The following GNG7 variants were observed in gnomAD, a reference collection of about 807,000 sequenced individuals.
The protein encoded by GNG7 is G protein subunit gamma 7.
A neutral mutation model predicts 4.0 loss-of-function variants in GNG7; 1 was observed. The observed-to-expected ratio is 0.25, with a 90% CI of 0.09 to 1.18. GNG7 has a LOEUF of 1.18. Among genes scored for constraint, GNG7 ranks in the 50% most tolerant of loss-of-function variants. The pLI is 0.50. For synonymous variants in GNG7, 34 were observed against 36.9 expected (o/e 0.92, Z 0.29); for missense variants, 86 against 91.9 (o/e 0.94, Z 0.26).
chr19:2,661,281 A>G (rs534746996), intron 1 of GNG7, among the ~76,000 whole-genome samples: 2,904 of 70,338 alleles, frequency 0.041, 104 homozygotes, highest in Middle Eastern at 0.079. Context: ...AAAGAAAGAA[A>G]GAAAGAAAGA....
At chr19:2,680,571 ATTTTTTTT>A (rs967188330) in intron 1 of GNG7, among the ~76,000 whole-genome samples, 2 of 126,016 alleles carry the variant, frequency 1.6e-5, no homozygotes, top group Admixed American at 8.3e-5. Context: ...AAAATTTACA[ATTTTTTTT>A]TTTTTTTTTT....
intron 2 of GNG7, among the ~76,000 whole-genome samples, chr19:2,601,658 A>T (rs1172058006): frequency 1.3e-5 from 2 of 151,402 alleles, no homozygotes; most frequent in African/African-American, 4.9e-5. Flanking sequence ...CACGTCTGTA[A>T]TCCCAAGCAC....
intron 2 of GNG7, among the ~76,000 whole-genome samples, chr19:2,582,759 A>G (rs8112514): frequency 0.99 from 149,485 of 150,328 alleles, 74,323 homozygotes; most frequent in Middle Eastern, 1. Context: ...ACCTCCACCT[A>G]CCACGTTCAA....
intron 2 of GNG7, among the ~76,000 whole-genome samples, chr19:2,558,250 G>GTTTTTT (rs57101652): frequency 6.9e-6 from 1 of 145,824 alleles, no homozygotes; most frequent in Non-Finnish European, 1.5e-5. Context: ...TTTTGTTTTT[G>GTTTTTT]TTTTTTTTTT....
chr19:2,527,776 C>G (rs959792937), intron 3 of GNG7, among the ~76,000 whole-genome samples: 2 of 129,576 alleles, frequency 1.5e-5, no homozygotes, highest in East Asian at 4.0e-4. Context: ...GCCAGGAAAC[C>G]CCCCCCCCCA....
chr19:2,596,821 C>T (rs879444281), intron 2 of GNG7, among the ~76,000 whole-genome samples: 3 of 152,160 alleles, frequency 2.0e-5, no homozygotes, highest in Non-Finnish European at 2.9e-5. Context: ...CTCACTCCTG[C>T]AGTACGAGAC....
At chr19:2,607,276 G>A (rs1981415292) in intron 2 of GNG7, among the ~76,000 whole-genome samples, 1 of 149,652 alleles carries the variant, frequency 6.7e-6, no homozygotes, top group Admixed American at 6.7e-5. Flanking sequence ...CCAGCACTTT[G>A]GGAGGTCGAG....
chr19:2,515,781 G>C (rs898995564), intron 4 of GNG7, among the ~76,000 whole-genome samples: 6 of 152,100 alleles, frequency 3.9e-5, no homozygotes, highest in African/African-American at 1.4e-4. Flanking sequence ...GAGACAGGAA[G>C]GGGATGCGTG....
intron 1 of GNG7, among the ~76,000 whole-genome samples, chr19:2,687,640 G>T (rs1278229655): frequency 5.9e-5 from 9 of 151,774 alleles, no homozygotes; most frequent in Non-Finnish European, 1.3e-4. Flanking sequence ...ACAAAAAAAA[G>T]TGCTGGCATG....
rs547373724 is a variant in GNG7 at position 2,555,959 on chromosome 19, G to A, written c.-77-771C>T. ...GCACAGTGCACGGATCGCGAGGGGG[G>A]CCCACGGGGACCACCTTCCGTGGTC... On this transcript the variant is annotated intron_variant, in intron 2 of 4. Coordinates refer to ENST00000382159, the MANE Select transcript of GNG7 (RefSeq NM_052847.3). 8.5e-4 allele frequency among the ~76,000 whole-genome samples: 130 copies of A among 152,326 alleles called. 1 individual carries two copies. The highest frequency in any genetic ancestry group is 3.0e-3 in the African/African-American group (126 of 41,580).
Position 2,662,421 on chromosome 19 carries a change from A to C in GNG7, c.-134-16141T>G, listed in dbSNP as rs557432042. 1.5e-3 allele frequency among the ~76,000 whole-genome samples: 223 copies of C among 152,222 alleles called. 4 individuals are homozygous for C. The highest frequency in any genetic ancestry group is 5.2e-3 in the African/African-American group (215 of 41,544). On this transcript the variant is annotated intron_variant, in intron 1 of 4. Coordinates refer to ENST00000382159, the MANE Select transcript of GNG7 (RefSeq NM_052847.3). ...CCTTGGACCCCACAGGTTGAGGGCT[A>C]AATCCCCCCACAAGACTGCCCCTAA...
intron 2 of GNG7, among the ~76,000 whole-genome samples, chr19:2,605,704 G>A (rs913756554): frequency 5.3e-5 from 8 of 151,424 alleles, no homozygotes; most frequent in Non-Finnish European, 1.0e-4. Flanking sequence ...AGTAGAGACG[G>A]GGTTTCACCA....
At chr19:2,561,177 T>C (rs1979730674) in intron 2 of GNG7, among the ~76,000 whole-genome samples, 1 of 151,874 alleles carries the variant, frequency 6.6e-6, no homozygotes, top group Non-Finnish European at 1.5e-5. Context: ...ACGCAGAGTC[T>C]CTTGGGGGTC....
intron 2 of GNG7, among the ~76,000 whole-genome samples, chr19:2,583,327 A>C (rs2144792928): frequency 6.6e-6 from 1 of 152,302 alleles, no homozygotes; most frequent in African/African-American, 2.4e-5. Context: ...GTAAACATAA[A>C]GTTGTACTAT....
chr19:2,655,566 C>T (rs1057038083), intron 1 of GNG7, among the ~76,000 whole-genome samples: 3 of 151,790 alleles, frequency 2.0e-5, no homozygotes, highest in South Asian at 2.1e-4. Context: ...AGGCCGGGTG[C>T]GGTGGCTCAT....
intron 2 of GNG7, among the ~76,000 whole-genome samples, chr19:2,599,840 G>A (rs899695337): frequency 6.6e-5 from 10 of 151,994 alleles, no homozygotes; most frequent in African/African-American, 2.4e-4. Flanking sequence ...AGGAGGCTGA[G>A]GCAGGAGAAT....
At chr19:2,522,396 C>T (rs34960708) in intron 3 of GNG7, among the ~76,000 whole-genome samples, 48,641 of 151,776 alleles carry the variant, frequency 0.32, 7,778 homozygotes, top group South Asian at 0.39. Context: ...CTCATGGCAT[C>T]GCTGTCTGTT....
rs1479752376 is a variant in GNG7, at chr19:2,634,428, A to G, written c.-78+11796T>C. On this transcript the variant is annotated intron_variant, in intron 2 of 4. Coordinates refer to ENST00000382159, the MANE Select transcript of GNG7 (RefSeq NM_052847.3). The surrounding 1 kb of genome is among the most constrained non-coding windows in gnomAD (Gnocchi z 5.3). ...CGGCATCACCCAGATGACCCCTGCT[A>G]TAGAGGGTCAAGGTCATGTCCAAGC... Among the ~76,000 whole-genome samples the G allele has an allele frequency of 1.3e-5, 2 of 152,142 alleles. No homozygotes were observed. The highest frequency in any genetic ancestry group is 2.9e-5 in the Non-Finnish European group (2 of 68,024).
At position 2,573,994 on chromosome 19, in the gene GNG7, G is replaced by A. The variant is rs114515210; in HGVS notation, c.-77-18806C>T. Among the ~76,000 whole-genome samples, 356 of 152,300 alleles carry A rather than the reference G, an allele frequency of 2.3e-3. 4 individuals carry two copies. The highest frequency in any genetic ancestry group is 8.1e-3 in the African/African-American group (336 of 41,564). Reference sequence around the variant, plus strand: ...CCACGGACCAGCTGCTGCGAGGTACGGCCGGAGTTCTGCCGCCTCGGGGAG... The same window carrying A: ...CCACGGACCAGCTGCTGCGAGGTACAGCCGGAGTTCTGCCGCCTCGGGGAG... On this transcript the variant is annotated intron_variant, in intron 2 of 4. Transcript: ENST00000382159.
Sources: gnomAD v4.1 joint callset for allele counts (sites outside exome capture counted in the v4.1 genomes callset) on GRCh38, gnomAD v4.1.1 for gene constraint, Gnocchi (gnomAD v3.1) non-coding constraint, MANE v1.5 for transcripts, NCBI Gene and HGNC (gene_info 2026-07-23, HGNC 2026-07-21) for gene names.